The following ZFP28 variants were observed in gnomAD, a reference collection of about 807,000 sequenced individuals.
ZFP28 encodes the protein ZFP28 zinc finger protein.
Under a neutral mutation model 39.5 loss-of-function variants are expected in ZFP28, and 31 were observed. The observed-to-expected ratio is 0.79, with a 90% confidence interval of 0.59 to 1.06. ZFP28 has a LOEUF of 1.06. Among genes scored for constraint, ZFP28 ranks in the 50% least tolerant of loss-of-function variants. The pLI is 0.00. For synonymous variants in ZFP28, 400 were observed against 378.6 expected (o/e 1.06, Z -0.66); for missense variants, 925 against 1,048.4 (o/e 0.88, Z 1.63).
rs765497524 is a variant in ZFP28 at position 56,555,277 on chromosome 19, A to G, written c.2492A>G (p.His831Arg). The G allele has an allele frequency of 6.2e-7, 1 of 1,614,212 alleles. No individual in the cohort carries two copies. Among genetic ancestry groups the G allele is most frequent in the Admixed American group, 1.7e-5 (1 of 60,024 alleles). The change falls in exon 8 of 8, where the codon CAT (histidine) becomes CGT (arginine). Residue 831 changes from histidine to arginine, a missense_variant. His to Arg is a conservative substitution (Grantham distance 29, BLOSUM62 0). Around this residue, in one of 2 missense-constraint regions of ZFP28, gnomAD observed 369 missense variants for 505.5 expected, o/e 0.73. Transcript: ENST00000301318. ...AGGCAAACTGCTCACTTAGCTCATC[A>G]TCAGCGAATTCATACTGGAGAGTCG... is the stretch of plus-strand genomic sequence containing the variant. Reference protein sequence around the residue: ...VFRQTAHLAHHQRIHTGESST... With the variant: ...VFRQTAHLAHRQRIHTGESST...
chr19:56,551,465 G>A, intron 7 of ZFP28: 1 of 985,206 alleles, frequency 1.0e-6, no homozygotes, highest in Non-Finnish European at 1.2e-6. Context: ...ATTCCACGTT[G>A]TATATACCAT....
chr19:56,543,875 T>C (rs547550932), intron 2 of ZFP28, among the ~76,000 whole-genome samples: 18 of 152,350 alleles, frequency 1.2e-4, no homozygotes, highest in East Asian at 5.8e-4. Flanking sequence ...TAAGTATTAC[T>C]GCTATTATCA....
intron 4 of ZFP28, 38 bp from the exon 5 acceptor site, chr19:56,548,920 A>T: frequency 6.3e-7 from 1 of 1,578,306 alleles, no homozygotes; most frequent in Non-Finnish European, 8.6e-7. Flanking sequence ...ATACTAACAC[A>T]TGATAAAAGA....
chr19:56,543,964 C>G (rs990222747), intron 2 of ZFP28, among the ~76,000 whole-genome samples: 3 of 152,202 alleles, frequency 2.0e-5, no homozygotes. Context: ...GCCCTAGCAT[C>G]TAATCATTGC....
Position 56,548,948 on chromosome 19 carries a change from C to T in ZFP28, c.524-10C>T, listed in dbSNP as rs2074940. 0.29 allele frequency: 469,342 copies of T among 1,601,434 alleles called. 75,546 individuals are homozygous for T. Among genetic ancestry groups the T allele is most frequent in the East Asian group, 0.6 (26,733 of 44,602 alleles). On this transcript the variant is annotated splice_polypyrimidine_tract_variant and intron_variant, in intron 4 of 7. Transcript: ENST00000301318. The stretch of plus-strand genomic sequence containing the variant: ...ATAAAAGATAAATTTACCTTCTTTA[C>T]GTCTTTCAGACTTGAAGGCTGTGTG...
intron 7 of ZFP28, chr19:56,552,132 T>C (rs1450625057): frequency 4.0e-6 from 2 of 494,032 alleles, no homozygotes; most frequent in African/African-American, 4.2e-5. Flanking sequence ...CTGTTGAGTA[T>C]ATTTAAACAT....
chr19:56,541,890 T>A (rs1399252903), intron 2 of ZFP28, among the ~76,000 whole-genome samples: 1 of 104,418 alleles, frequency 9.6e-6, no homozygotes, highest in Non-Finnish European at 2.4e-5. Context: ...TTTTTTTTTT[T>A]TTTTTTTTTT....
At position 56,550,261 on chromosome 19, in the gene ZFP28, G is replaced by C. The variant is rs566558464; in HGVS notation, c.802+80G>C. On this transcript the variant is annotated intron_variant, in intron 6 of 7. Coordinates refer to ENST00000301318, the MANE Select transcript of ZFP28 (RefSeq NM_020828.2). Reference sequence around the variant, plus strand: ...AACTTCAGTTTTGAATTATGGAGGAGGGAGGGGGTGTCTTCTGACATGCTG... The same window carrying C: ...AACTTCAGTTTTGAATTATGGAGGACGGAGGGGGTGTCTTCTGACATGCTG... 5 of 1,348,652 alleles carry C rather than the reference G, an allele frequency of 3.7e-6. No homozygotes were observed. The African/African-American group carries it at 5.8e-5, about 16-fold the overall frequency. 83.5% of individuals were successfully genotyped at this position (1,348,652 alleles called of 1,614,324 possible).
In ZFP28 at chr19:56,539,802, T is replaced by C. The variant is rs1213998461; in HGVS notation, c.300+86T>C. On this transcript the variant is annotated intron_variant, in intron 2 of 7. Coordinates refer to ENST00000301318, the MANE Select transcript of ZFP28 (RefSeq NM_020828.2). The stretch of plus-strand genomic sequence containing the variant: ...TGCTTATTTTCTTGAAAGTTTTCAG[T>C]TTAAGAGACCTGTTTGGGCGCGGGT... 26 of 1,250,042 alleles carry C rather than the reference T, an allele frequency of 2.1e-5. No homozygotes were observed. The East Asian group carries it at 6.5e-4, about 31-fold the overall frequency. The allele number at this position is 1,250,042 out of a possible 1,614,324, so 77.4% of individuals were successfully genotyped here. A position where few individuals can be genotyped will look rare whatever the true frequency, so the allele number is the denominator to read the frequency against.
rs748760820 is a variant in ZFP28 at position 56,553,764 on chromosome 19, A to T, written c.979A>T (p.Asn327Tyr). 1.2e-6 allele frequency: 2 copies of T among 1,614,164 alleles called. No individual in the cohort carries two copies. Among genetic ancestry groups the T allele is most frequent in the Admixed American group, 3.3e-5 (2 of 60,014 alleles). The stretch of plus-strand genomic sequence containing the variant: ...TGAAGGGGTAACAGACAGAACCTCA[A>T]ACACTAAACTTGATTGTTCCAGTTT... ...YAEGVTDRTS[N>Y]TKLDCSSFRE... The change falls in exon 8 of 8, where the codon AAC becomes TAC. Residue 327 changes from asparagine to tyrosine, a missense_variant. Asn to Tyr is a moderately radical substitution (Grantham distance 143). Around this residue, in one of 2 missense-constraint regions of ZFP28, gnomAD observed 556 missense variants for 542.9 expected, o/e 1.02. Coordinates refer to ENST00000301318, the MANE Select transcript of ZFP28 (RefSeq NM_020828.2).
rs748760820 is a variant in ZFP28, at chr19:56,553,764, A to G, written c.979A>G (p.Asn327Asp). The change falls in exon 8 of 8, where the codon AAC becomes GAC. Residue 327 changes from asparagine (N) to aspartate (D), a missense_variant. Asn to Asp is a conservative substitution (Grantham distance 23, BLOSUM62 1). Around this residue, in one of 2 missense-constraint regions of ZFP28, gnomAD observed 556 missense variants for 542.9 expected, o/e 1.02. Transcript: ENST00000301318. ...YAEGVTDRTS[N>D]TKLDCSSFRE... ...TGAAGGGGTAACAGACAGAACCTCA[A>G]ACACTAAACTTGATTGTTCCAGTTT... 6 of 1,614,164 alleles carry G rather than the reference A, an allele frequency of 3.7e-6. No homozygotes were observed. The highest frequency in any genetic ancestry group is 1.7e-5 in the Admixed American group (1 of 60,014).
At chr19:56,546,652 A>C (rs904044539) in intron 2 of ZFP28, 1 of 152,186 alleles carries the variant, frequency 6.6e-6, no homozygotes, top group Non-Finnish European at 1.5e-5. Flanking sequence ...CCTCTACTGA[A>C]CACTGAGAGT....
chr19:56,538,842 G>A (rs1231935309), upstream of ZFP28: 1 of 208,798 alleles, frequency 4.8e-6, no homozygotes, highest in African/African-American at 2.6e-5. Flanking sequence ...CAGCGGGGAG[G>A]GGTGGGGAGG....
intron 2 of ZFP28, among the ~76,000 whole-genome samples, chr19:56,540,917 T>TACTC (rs55972011): frequency 0.53 from 80,062 of 151,508 alleles, 22,296 homozygotes; most frequent in African/African-American, 0.7. Context: ...CCACAGTTCT[T>TACTC]ACCTCCGTGA....
intron 2 of ZFP28, among the ~76,000 whole-genome samples, chr19:56,543,382 A>T (rs953608545): frequency 4.7e-5 from 7 of 147,416 alleles, no homozygotes; most frequent in Non-Finnish European, 6.0e-5. Flanking sequence ...TATGTATATT[A>T]TATATATATG....
Position 56,556,584 on chromosome 19 carries a change from A to G in ZFP28, c.*1192A>G, listed in dbSNP as rs1427885844. 1 of 152,236 alleles carries G rather than the reference A, an allele frequency of 6.6e-6. No individual in the cohort carries two copies. The highest frequency in any genetic ancestry group is 2.4e-5 in the African/African-American group (1 of 41,474). The allele number at this position is 152,236 out of a possible 1,614,324, so 9.4% of individuals were successfully genotyped here. On this transcript the variant is annotated 3_prime_UTR_variant, in exon 8 of 8. Coordinates refer to ENST00000301318, the MANE Select transcript of ZFP28 (RefSeq NM_020828.2). ...AGACTATATGGCTCGCAAAACTGCA[A>G]ATATTTCCTATCCTTTAACAGAAAG... is the stretch of plus-strand genomic sequence containing the variant.
rs1294519284 is a variant in ZFP28 at position 56,547,553 on chromosome 19, G to T, written c.346G>T (p.Glu116Ter). The change falls in exon 3 of 8, where the codon GAG becomes TAG. Residue 116 changes from glutamate (E) to a stop codon, truncating the protein, a stop_gained. Coordinates refer to ENST00000301318, the MANE Select transcript of ZFP28 (RefSeq NM_020828.2). LOFTEE classifies it high-confidence loss of function. The surrounding 1 kb of genome is among the most constrained non-coding windows in gnomAD (Gnocchi z 4.6). ...GDVAVDFSQEEWEWLNPIQRN... is the reference protein window; with the variant it reads ...GDVAVDFSQE ...TGTGGCTGTAGATTTCTCCCAAGAG[G>T]AGTGGGAGTGGCTGAACCCCATTCA... 2 of 1,614,196 alleles carry T rather than the reference G, an allele frequency of 1.2e-6. No individual in the cohort carries two copies. Among genetic ancestry groups the T allele is most frequent in the Non-Finnish European group, 1.7e-6 (2 of 1,180,030 alleles).
At chr19:56,550,026 G>A (rs765535840) in intron 5 of ZFP28, 41 bp from the exon 6 acceptor site, 40 of 1,542,754 alleles carry the variant, frequency 2.6e-5, no homozygotes, top group Non-Finnish European at 3.4e-5. Context: ...GTGAGTTCAC[G>A]AACATGGTTT....
chr19:56,539,103 C>G lies in ZFP28; in HGVS notation c.85C>G (p.Arg29Gly), dbSNP rs769537966. 104 of 1,553,662 alleles carry G rather than the reference C, an allele frequency of 6.7e-5. 1 individual carries two copies. In the South Asian group the frequency reaches 1.1e-3, roughly 16 times the overall value. ...CCCCCGCACAAAGCCCCGGGCGGGC[C>G]GAGGCCCGACTGTAGGGACTCCAGC... ...GAPRTKPRAG[R>G]GPTVGTPATL... is the part of the protein sequence containing the mutation. Residue 29 changes from arginine to glycine, a missense_variant, in exon 1 of 8, where the codon CGA (arginine) becomes GGA (glycine). This residue lies in a region of ZFP28 where 556 missense variants were observed against 542.9 expected (regional missense o/e 1.02). Transcript: ENST00000301318.
Sources: allele counts gnomAD v4.1 joint callset (sites outside exome capture counted in the v4.1 genomes callset), GRCh38; gene constraint gnomAD v4.1.1; regional missense constraint gnomAD v4.1.1; non-coding constraint Gnocchi (gnomAD v3.1); transcripts MANE v1.5; gene names NCBI Gene and HGNC (gene_info 2026-07-23, HGNC 2026-07-21).